Variants in PDCD4 observed in about 807,000 individuals in gnomAD.
PDCD4 encodes programmed cell death 4, also known as programmed cell death protein 4.
Under a neutral mutation model 54.0 loss-of-function variants are expected in PDCD4, and 56 were observed. The ratio of observed to expected loss-of-function variants is 1.04; its 90% CI spans 0.84 to 1.30. The LOEUF is 1.30. Ranked by LOEUF, PDCD4 falls within the 50% of genes most tolerant of loss-of-function variation. The pLI, the probability that PDCD4 is intolerant of heterozygous loss-of-function variation, is 0.00. For synonymous variants in PDCD4, 186 were observed against 194.8 expected (o/e 0.95, Z 0.37); for missense variants, 584 against 559.8 (o/e 1.04, Z -0.44).
chr10:110,878,228 A>C (rs1845536426), intron 2 of PDCD4, among the ~76,000 whole-genome samples: 2 of 152,242 alleles, frequency 1.3e-5, no homozygotes, highest in African/African-American at 4.8e-5. Context: ...AATTAATACA[A>C]ACATGGGTTA....
At chr10:110,887,957 T>G in intron 6 of PDCD4, 71 bp downstream of exon 6, 1 of 1,009,536 alleles carries the variant, frequency 9.9e-7, no homozygotes. Flanking sequence ...TAATGTATAC[T>G]CCTAGGAAAT....
intron 1 of PDCD4, among the ~76,000 whole-genome samples, chr10:110,875,513 CTTTA>C (rs765457456): frequency 6.6e-6 from 1 of 152,056 alleles, no homozygotes; most frequent in Non-Finnish European, 1.5e-5. Flanking sequence ...ATGTGATATT[CTTTA>C]TTAACTAAAA....
intron 11 of PDCD4, among the ~76,000 whole-genome samples, 170 bp from the exon 12 acceptor site, chr10:110,897,858 A>G (rs190066693): frequency 5.9e-5 from 9 of 151,800 alleles, no homozygotes; most frequent in Admixed American, 5.9e-4. Context: ...GCTAAGATAT[A>G]TAGTAGGGAG....
chr10:110,883,122 A>G (rs1845617371), intron 4 of PDCD4, 25 bp downstream of exon 4: 6 of 1,421,286 alleles, frequency 4.2e-6, no homozygotes, highest in African/African-American at 1.5e-5. Context: ...CTTTTTCATA[A>G]TATTTAAAAT....
At chr10:110,885,627 G>A (rs116501174) in intron 5 of PDCD4, among the ~76,000 whole-genome samples, 2,706 of 151,544 alleles carry the variant, frequency 0.018, 83 homozygotes, top group African/African-American at 0.061. Flanking sequence ...AATTTGTAAT[G>A]TATATGAATT....
rs557406473 is a variant in PDCD4, at chr10:110,890,063, C to A, written c.875+433C>A. On this transcript the variant is annotated intron_variant, in intron 7 of 11. Transcript: ENST00000280154. The stretch of plus-strand genomic sequence containing the variant: ...TCTTAGTCAGAAAGTATCTTTTTCA[C>A]TCTTGTGATTTAGTATAATTAATAT... Among the ~76,000 whole-genome samples, 3 of 152,236 alleles carry A rather than the reference C, an allele frequency of 2.0e-5. No homozygotes were observed. The East Asian group carries it at 5.8e-4, about 29-fold the overall frequency.
chr10:110,892,190 T>C (rs903172409), intron 8 of PDCD4, among the ~76,000 whole-genome samples: 6 of 152,052 alleles, frequency 3.9e-5, no homozygotes, highest in African/African-American at 1.4e-4. Flanking sequence ...GCAAAACAGG[T>C]TGAAAGAAAT....
rs532996701 is a variant in PDCD4, at chr10:110,889,620, G to T, written c.865G>T (p.Val289Leu). ...IDSYKGTVDCVQARAALDKAT... is the reference protein window; with the variant it reads ...IDSYKGTVDCLQARAALDKAT... ...TAGTTACAAAGGAACTGTAGATTGT[G>T]TGCAGGCTAGGTAAGTAAATCACTT... The change falls in exon 7 of 12, where the codon GTG (valine) becomes TTG (leucine). Residue 289 changes from valine (V) to leucine (L), a missense_variant. Transcript: ENST00000280154. 1.4e-5 allele frequency: 22 copies of T among 1,566,624 alleles called. No homozygotes were observed. Among genetic ancestry groups the T allele is most frequent in the Non-Finnish European group, 1.6e-5 (18 of 1,140,112 alleles).
rs1213381496 is a variant in PDCD4 at position 110,899,288 on chromosome 10, A to G, written c.*1200A>G. The G allele has an allele frequency of 6.6e-6, 1 of 152,140 alleles. No individual in the cohort carries two copies. The highest frequency in any genetic ancestry group is 1.5e-5 in the Non-Finnish European group (1 of 68,028). 9.4% of individuals were successfully genotyped at this position (152,140 alleles called of 1,614,324 possible). ...AGGAGTATACTGCTTACAGGTTTAG[A>G]TATAGTCTGTTAGAATTAAAACCAA... is the stretch of plus-strand genomic sequence containing the variant. On this transcript the variant is annotated 3_prime_UTR_variant, in exon 12 of 12. Transcript: ENST00000280154.
At chr10:110,895,883 G>T in intron 10 of PDCD4, 65 bp from the exon 11 acceptor site, 1 of 1,217,798 alleles carries the variant, frequency 8.2e-7, no homozygotes, top group Non-Finnish European at 1.1e-6. Context: ...CATAGTGATG[G>T]ATTGTGTTTT....
intron 8 of PDCD4, among the ~76,000 whole-genome samples, chr10:110,892,049 C>T (rs1845765915): frequency 6.6e-6 from 1 of 152,024 alleles, no homozygotes; most frequent in Admixed American, 6.6e-5. Context: ...GATCAGTACA[C>T]AAAATTCAAT....
At position 110,899,098 on chromosome 10, in the gene PDCD4, T is replaced by A. The variant is rs901977228; in HGVS notation, c.*1010T>A. On this transcript the variant is annotated 3_prime_UTR_variant, in exon 12 of 12. Transcript: ENST00000280154. Reference sequence around the variant, plus strand: ...GACCCAAAGCTTGACATTTACCTAATGTATGAGAAAATATTACCAATTAAC... The same window carrying A: ...GACCCAAAGCTTGACATTTACCTAAAGTATGAGAAAATATTACCAATTAAC... 1.3e-5 allele frequency: 2 copies of A among 152,208 alleles called. No individual in the cohort carries two copies. Among genetic ancestry groups the A allele is most frequent in the African/African-American group, 4.8e-5 (2 of 41,474 alleles). 9.4% of individuals were successfully genotyped at this position (152,208 alleles called of 1,614,324 possible).
intron 7 of PDCD4, 37 bp from the exon 8 acceptor site, chr10:110,890,519 C>A: frequency 8.1e-7 from 1 of 1,238,396 alleles, no homozygotes; most frequent in Non-Finnish European, 1.2e-6. Flanking sequence ...TTAGGTATGT[C>A]CAGCTATCAA....
chr10:110,895,445 G>A (rs1455961552), intron 10 of PDCD4, among the ~76,000 whole-genome samples: 8 of 152,076 alleles, frequency 5.3e-5, no homozygotes, highest in South Asian at 2.1e-4. Context: ...TTCCATGGGC[G>A]TATATGTACC....
chr10:110,880,142 T>G (rs1469471483), intron 2 of PDCD4, among the ~76,000 whole-genome samples: 4 of 152,220 alleles, frequency 2.6e-5, no homozygotes, highest in African/African-American at 9.7e-5. Context: ...CCATGGAATT[T>G]GAGTATGAAG....
chr10:110,896,208 C>T, intron 11 of PDCD4, 121 bp downstream of exon 11: 1 of 725,232 alleles, frequency 1.4e-6, no homozygotes, highest in Non-Finnish European at 2.2e-6. Context: ...CTTGTGAGTT[C>T]ATGGAGAAAG....
intron 2 of PDCD4, among the ~76,000 whole-genome samples, chr10:110,880,801 T>C (rs1845578660): frequency 6.6e-6 from 1 of 152,206 alleles, no homozygotes. Context: ...CAGTGCCTAA[T>C]AGTAGGCATT....
intron 2 of PDCD4, 57 bp downstream of exon 2, chr10:110,876,127 T>G: frequency 6.9e-7 from 1 of 1,440,776 alleles, no homozygotes; most frequent in South Asian, 1.2e-5. Flanking sequence ...GATCTTGCTC[T>G]GTCACCCAGG....
rs192578462 is a variant in PDCD4 at position 110,889,399 on chromosome 10, A to T, written c.778-134A>T. The T allele has an allele frequency of 3.6e-3, 2,179 of 603,556 alleles. 7 individuals are homozygous for T. The highest frequency in any genetic ancestry group is 8.0e-3 in the East Asian group (269 of 33,770). The allele number at this position is 603,556 out of a possible 1,614,324, so 37.4% of individuals were successfully genotyped here. A position where few individuals can be genotyped will look rare whatever the true frequency, so the allele number is the denominator to read the frequency against. ...ACAGGTACTACATAGGTTTTTTTTT[A>T]AAAAAAAATTCCAGCATCTTTTAGG... On this transcript the variant is annotated intron_variant, in intron 6 of 11. Transcript: ENST00000280154.
Sources: allele counts gnomAD v4.1 joint callset (sites outside exome capture counted in the v4.1 genomes callset), GRCh38; gene constraint gnomAD v4.1.1; transcripts MANE v1.5; gene names NCBI Gene and HGNC (gene_info 2026-07-23, HGNC 2026-07-21).